CSMD1: variants seen among roughly 807,000 people sequenced by gnomAD.
CSMD1 encodes the protein CUB and Sushi multiple domains 1.
In CSMD1, 213 loss-of-function variants were observed where a neutral mutation model predicts 417.5. That is an observed-to-expected ratio of 0.51 (90% confidence interval 0.46 to 0.57). CSMD1 has a LOEUF of 0.57. Among genes scored for constraint, CSMD1 ranks in the 20% least tolerant of loss-of-function variants. The pLI, the probability that CSMD1 is intolerant of heterozygous loss-of-function variation, is 0.00. For missense variants in CSMD1, 6,923 were observed against 4,529.7 expected, an observed-to-expected ratio of 1.53 and a Z score of -15.17; for synonymous variants, 2,862 against 1,736.8, an observed-to-expected ratio of 1.65 and a Z score of -16.11.
intron 5 of CSMD1, among the ~76,000 whole-genome samples, chr8:3,953,353 C>G (rs1215343193): frequency 6.6e-6 from 1 of 152,094 alleles, no homozygotes; most frequent in Admixed American, 6.5e-5. Context: ...ATAAACATTA[C>G]ATGCCATATA....
chr8:3,962,945 T>C (rs1441696460), intron 5 of CSMD1, among the ~76,000 whole-genome samples: 3 of 152,146 alleles, frequency 2.0e-5, no homozygotes, highest in Non-Finnish European at 4.4e-5. Context: ...TTTTGTTTCG[T>C]TTTGTTTTTT....
Position 3,503,035 on chromosome 8 carries a change from G to A in CSMD1, c.1345-9309C>T, listed in dbSNP as rs369681505. Among the ~76,000 whole-genome samples the A allele has an allele frequency of 5.3e-5, 8 of 152,190 alleles. No individual in the cohort carries two copies. The East Asian group carries it at 1.5e-3, about 29-fold the overall frequency. ...ACTATGTCTTCTGATCAATTTTGCT[G>A]TGCAAACTGCTCTAAAAATAAAACC... On this transcript the variant is annotated intron_variant, in intron 10 of 69. Transcript: ENST00000635120.
intron 7 of CSMD1, among the ~76,000 whole-genome samples, chr8:3,642,015 C>A (rs1357432448): frequency 6.6e-6 from 1 of 152,044 alleles, no homozygotes; most frequent in Non-Finnish European, 1.5e-5. Flanking sequence ...GCTAGGTTTC[C>A]CCCTCACCAC....
At chr8:3,719,954 A>T (rs781746177) in intron 6 of CSMD1, among the ~76,000 whole-genome samples, 1 of 152,300 alleles carries the variant, frequency 6.6e-6, no homozygotes, top group South Asian at 2.1e-4. Context: ...TTTAATAAAG[A>T]TGATCACCAC....
chr8:4,394,914 C>G (rs762414432), intron 3 of CSMD1, among the ~76,000 whole-genome samples: 10 of 152,168 alleles, frequency 6.6e-5, no homozygotes, highest in African/African-American at 1.7e-4. Flanking sequence ...TCCTCTACAG[C>G]AGGTGCACTG....
chr8:4,347,306 T>A (rs1046757210), intron 3 of CSMD1, among the ~76,000 whole-genome samples: 1 of 152,172 alleles, frequency 6.6e-6, no homozygotes, highest in Non-Finnish European at 1.5e-5. Flanking sequence ...CAGCAGCAAC[T>A]ATAAAATTAT....
intron 41 of CSMD1, among the ~76,000 whole-genome samples, chr8:3,135,618 C>T (rs3889545): frequency 6.6e-3 from 873 of 133,118 alleles, no homozygotes; most frequent in African/African-American, 0.025. Context: ...CTTTAAAACA[C>T]GCTCTTGAGT....
At chr8:3,160,907 C>A (rs1468690558) in intron 38 of CSMD1, among the ~76,000 whole-genome samples, 1 of 152,182 alleles carries the variant, frequency 6.6e-6, no homozygotes. Flanking sequence ...CACTGCTACA[C>A]AATATTTACC....
chr8:3,979,840 G>A (rs897074669), intron 5 of CSMD1, among the ~76,000 whole-genome samples: 1 of 152,148 alleles, frequency 6.6e-6, no homozygotes, highest in African/African-American at 2.4e-5. Flanking sequence ...GTAGAGAAGT[G>A]TCTAAATTTT....
intron 7 of CSMD1, chr8:3,702,104 T>C (rs972000793): frequency 1.3e-5 from 2 of 152,328 alleles, no homozygotes; most frequent in Admixed American, 1.3e-4. Context: ...TGTGTTGTTA[T>C]TTTTCCCAGG....
At chr8:3,241,109 G>A (rs1169557783) in intron 26 of CSMD1, among the ~76,000 whole-genome samples, 3 of 151,312 alleles carry the variant, frequency 2.0e-5, no homozygotes, top group Admixed American at 6.6e-5. Context: ...TTTGGATTGG[G>A]AAGAAGGGCG....
At chr8:3,305,659 T>C (rs1043646654) in intron 25 of CSMD1, among the ~76,000 whole-genome samples, 2 of 152,168 alleles carry the variant, frequency 1.3e-5, no homozygotes, top group African/African-American at 4.8e-5. Flanking sequence ...GTTAAGAAAC[T>C]AAACTTCTTA....
chr8:4,629,072 T>C (rs1171990878), intron 2 of CSMD1, among the ~76,000 whole-genome samples: 1 of 152,184 alleles, frequency 6.6e-6, no homozygotes, highest in East Asian at 1.9e-4. Flanking sequence ...TTATTGATAG[T>C]CTACATTTAT....
At chr8:3,764,777 C>A (rs985753199) in intron 5 of CSMD1, among the ~76,000 whole-genome samples, 3 of 144,026 alleles carry the variant, frequency 2.1e-5, no homozygotes, top group Non-Finnish European at 3.0e-5. Flanking sequence ...GAGACATTCT[C>A]ACTCTGTTGC....
chr8:3,562,417 A>ACACACACTTACACACATGCATAC, intron 10 of CSMD1, among the ~76,000 whole-genome samples: 1 of 145,446 alleles, frequency 6.9e-6, no homozygotes, highest in South Asian at 2.2e-4. Context: ...CACATGCACA[A>ACACACACTTACACACATGCATAC]ACACACATGC....
chr8:4,459,617 G>T (rs1286624513), intron 2 of CSMD1, among the ~76,000 whole-genome samples: 1 of 152,270 alleles, frequency 6.6e-6, no homozygotes, highest in South Asian at 2.1e-4. Flanking sequence ...GAAGAAGATC[G>T]CATTGTGGGT....
At chr8:4,472,992 G>A (rs183020249) in intron 2 of CSMD1, among the ~76,000 whole-genome samples, 1 of 151,796 alleles carries the variant, frequency 6.6e-6, no homozygotes, top group East Asian at 1.9e-4. Context: ...ATTTTTATAT[G>A]TACACATAAA....
At position 3,014,207 on chromosome 8, in the gene CSMD1, C is replaced by CAAT. The variant is rs72577769; in HGVS notation, c.8029+4269_8029+4270insATT. Among the ~76,000 whole-genome samples, 7 of 151,514 alleles carry CAAT rather than the reference C, an allele frequency of 4.6e-5. 1 individual carries two copies. The highest frequency in any genetic ancestry group is 4.6e-4 in the Admixed American group (7 of 15,210). Reference sequence around the variant, plus strand: ...AGGAATAAAATTTTTGATTCAGAAACATTTCTGAATAGTACTTATGAATAT... The same window carrying CAAT: ...AGGAATAAAATTTTTGATTCAGAAACAATATTTCTGAATAGTACTTATGAATAT... On this transcript the variant is annotated intron_variant, in intron 52 of 69. Transcript: ENST00000635120.
chr8:4,574,442 C>T (rs1037631591), intron 2 of CSMD1, among the ~76,000 whole-genome samples: 2 of 152,164 alleles, frequency 1.3e-5, no homozygotes, highest in South Asian at 2.1e-4. Flanking sequence ...GCTTACCCTC[C>T]GTGGGCTGCA....
Sources: gnomAD v4.1 joint callset for allele counts (sites outside exome capture counted in the v4.1 genomes callset) on GRCh38, gnomAD v4.1.1 for gene constraint, MANE v1.5 for transcripts, NCBI Gene and HGNC (gene_info 2026-07-23, HGNC 2026-07-21) for gene names.